ZNF800: variants seen among roughly 807,000 people sequenced by gnomAD.
The protein encoded by ZNF800 is zinc finger protein 800.
ZNF800 carries 13 observed loss-of-function variants against 59.5 expected under a neutral mutation model. The observed-to-expected ratio is 0.22, with a 90% CI of 0.14 to 0.35. The LOEUF (loss-of-function observed/expected upper bound fraction) is 0.35. ZNF800 is among the 10% of genes least tolerant of loss of function. The pLI, the probability that ZNF800 is intolerant of heterozygous loss-of-function variation, is 1.00. For synonymous variants in ZNF800, 266 were observed against 265.7 expected (o/e 1.00, Z -0.01); for missense variants, 621 against 783.7 (o/e 0.79, Z 2.48).
In ZNF800 at chr7:127,377,817, A is replaced by G. The variant is rs917275128; in HGVS notation, c.158-488T>C. On this transcript the variant is annotated intron_variant, in intron 3 of 5. Coordinates refer to ENST00000265827, the MANE Select transcript of ZNF800 (RefSeq NM_176814.5). This position sits in a 1 kb window ranked among gnomAD's most constrained non-coding sequence, Gnocchi z 4.7. The stretch of plus-strand genomic sequence containing the variant: ...TCAATACATTTTCCCCTTATTCCTT[A>G]AAGAAGGTCAAAACTGTATTACAGG... Among the ~76,000 whole-genome samples, 1 of 152,028 alleles carries G rather than the reference A, an allele frequency of 6.6e-6. No individual in the cohort carries two copies. Among genetic ancestry groups the G allele is most frequent in the Non-Finnish European group, 1.5e-5 (1 of 67,934 alleles).
At position 127,373,608 on chromosome 7, in the gene ZNF800, G is replaced by C; in HGVS notation, c.1728C>G (p.Gly576=). Residue 576 remains glycine (G), a synonymous_variant, in exon 5 of 6, where the codon GGC becomes GGG. Transcript: ENST00000265827. ...DFVLNKVAKR[G]PSRDEAKHSD... ...TATGTTTTGCTTCATCCCTCGAAGG[G>C]CCTCTTTTTGCCACTTTATTTAGAA... The C allele has an allele frequency of 6.2e-7, 1 of 1,614,046 alleles. No individual in the cohort carries two copies. Among genetic ancestry groups the C allele is most frequent in the Non-Finnish European group, 8.5e-7 (1 of 1,180,004 alleles).
At chr7:127,368,190 G>C (rs1191867279), downstream of ZNF800, among the ~76,000 whole-genome samples, 2 of 152,136 alleles carry the variant, frequency 1.3e-5, no homozygotes, top group East Asian at 3.9e-4. Flanking sequence ...CAATTTAGGA[G>C]AAGAGAAATG....
intron 2 of ZNF800, among the ~76,000 whole-genome samples, chr7:127,387,424 G>A (rs1801171253): frequency 6.6e-6 from 1 of 152,146 alleles, no homozygotes; most frequent in African/African-American, 2.4e-5. Flanking sequence ...CTGATAGCGG[G>A]GCTAAACTAG....
At chr7:127,343,132 T>TA (rs1799997789), downstream of ZNF800, among the ~76,000 whole-genome samples, 2 of 151,796 alleles carry the variant, frequency 1.3e-5, no homozygotes, top group Admixed American at 1.3e-4. Context: ...ATTATTAAAT[T>TA]AAAAAATGAA....
Position 127,392,367 on chromosome 7 carries a change from C to T in ZNF800, c.-366G>A, listed in dbSNP as rs528165782. 2.9e-4 allele frequency: 109 copies of T among 382,328 alleles called. No homozygotes were observed. Among genetic ancestry groups the T allele is most frequent in the African/African-American group, 1.9e-3 (92 of 48,046 alleles). The allele number at this position is 382,328 out of a possible 1,614,324, so 23.7% of individuals were successfully genotyped here. A position where few individuals can be genotyped will look rare whatever the true frequency, so the allele number is the denominator to read the frequency against. Reference sequence around the variant, plus strand: ...CGGAGGCAGTTGACAGGAGGAACCGCCCGGCAGCAGCTGCCGCCGCCACCA... The same window carrying T: ...CGGAGGCAGTTGACAGGAGGAACCGTCCGGCAGCAGCTGCCGCCGCCACCA... On this transcript the variant is annotated 5_prime_UTR_variant, in exon 1 of 6. Transcript: ENST00000265827.
At chr7:127,344,281 C>A (rs149353148), downstream of ZNF800, among the ~76,000 whole-genome samples, 5 of 151,936 alleles carry the variant, frequency 3.3e-5, no homozygotes, top group African/African-American at 1.2e-4. Context: ...AAAATGATCC[C>A]ATTCAAATGC....
chr7:127,391,947 G>C (rs1801336428), intron 1 of ZNF800, 113 bp downstream of exon 1: 1 of 374,178 alleles, frequency 2.7e-6, no homozygotes. Flanking sequence ...CCGGGACTAC[G>C]GAGGTGCCGC....
chr7:127,383,350 A>T (rs1256572457), intron 3 of ZNF800, among the ~76,000 whole-genome samples: 1 of 152,236 alleles, frequency 6.6e-6, no homozygotes, highest in African/African-American at 2.4e-5. Flanking sequence ...ATTCAACCTG[A>T]TTTATACCCT....
chr7:127,379,836 A>C (rs1348919358), intron 3 of ZNF800, among the ~76,000 whole-genome samples: 1,106 of 27,394 alleles, frequency 0.04, 25 homozygotes, highest in Admixed American at 0.052. Context: ...TACCCTTGCC[A>C]CCCCCCCACC....
At chr7:127,381,341 T>C (rs1587448815) in intron 3 of ZNF800, among the ~76,000 whole-genome samples, 3 of 152,290 alleles carry the variant, frequency 2.0e-5, no homozygotes, top group Admixed American at 2.0e-4. Context: ...GAAGGAAATT[T>C]CTTACTGATC....
intron 1 of ZNF800, among the ~76,000 whole-genome samples, chr7:127,351,940 A>G (rs573126773): frequency 1.8e-4 from 28 of 152,204 alleles, no homozygotes; most frequent in Non-Finnish European, 3.4e-4. Context: ...CATCTCTTCC[A>G]ACAGATTCAC....
downstream of ZNF800, among the ~76,000 whole-genome samples, chr7:127,345,023 A>G (rs1800031738): frequency 6.6e-6 from 1 of 152,242 alleles, no homozygotes; most frequent in African/African-American, 2.4e-5. Context: ...CATGGATTAA[A>G]TTGATAGATA....
intron 1 of ZNF800, chr7:127,364,667 G>A (rs955142879): frequency 6.6e-6 from 1 of 152,092 alleles, no homozygotes; most frequent in African/African-American, 2.4e-5. Flanking sequence ...GCTGGGGAGG[G>A]GTAAAGAGGA....
At chr7:127,379,860 C>CCCG (rs1562907529) in intron 3 of ZNF800, among the ~76,000 whole-genome samples, 1 of 73,786 alleles carries the variant, frequency 1.4e-5, no homozygotes, top group African/African-American at 5.4e-5. Flanking sequence ...CCACCCCCCC[C>CCCG]ACACACACAC....
rs1182732091 is a variant in ZNF800 at position 127,370,927 on chromosome 7, T to C, written c.*887A>G. 2 of 152,548 alleles carry C rather than the reference T, an allele frequency of 1.3e-5. No individual in the cohort carries two copies. The highest frequency in any genetic ancestry group is 4.8e-5 in the African/African-American group (2 of 41,452). 9.4% of individuals were successfully genotyped at this position (152,548 alleles called of 1,614,324 possible). A position where few individuals can be genotyped will look rare whatever the true frequency, so the allele number is the denominator to read the frequency against. On this transcript the variant is annotated 3_prime_UTR_variant, in exon 6 of 6. Coordinates refer to ENST00000265827, the MANE Select transcript of ZNF800 (RefSeq NM_176814.5). ...CCCGCATCTTCCTTTTGTAGCAATATTTAAGGAAATAAACTAGTATCATAA... is the reference window on the plus strand; with the variant it reads ...CCCGCATCTTCCTTTTGTAGCAATACTTAAGGAAATAAACTAGTATCATAA...
chr7:127,391,663 G>A (rs1357984388), intron 1 of ZNF800, 48 bp from the exon 2 acceptor site: 1 of 964,408 alleles, frequency 1.0e-6, no homozygotes, highest in African/African-American at 1.6e-5. Context: ...CTTCCTGGGG[G>A]GCACTGGCTG....
intron 3 of ZNF800, among the ~76,000 whole-genome samples, chr7:127,380,638 C>A (rs908461522): frequency 1.3e-5 from 2 of 152,162 alleles, no homozygotes; most frequent in African/African-American, 4.8e-5. Flanking sequence ...ACTCTAAGTG[C>A]CTCTGTCAAT....
chr7:127,390,174 GA>G lies in ZNF800; in HGVS notation c.61+1322del, dbSNP rs199966147. 7.4e-5 allele frequency among the ~76,000 whole-genome samples: 11 copies of G among 147,660 alleles called. No individual in the cohort carries two copies. The South Asian group carries it at 1.3e-3, about 17-fold the overall frequency. ...ACTTCAATGATTAAAAGTGTTCTCA[GA>G]AAAAAAAAACTAGACTAAAAGGTCA... is the stretch of plus-strand genomic sequence containing the variant. On this transcript the variant is annotated intron_variant, in intron 2 of 5. Transcript: ENST00000265827.
At chr7:127,353,402 C>G (rs1265078353) in intron 1 of ZNF800, among the ~76,000 whole-genome samples, 1 of 150,648 alleles carries the variant, frequency 6.6e-6, no homozygotes, top group Non-Finnish European at 1.5e-5. Context: ...ACCCTGTGTT[C>G]AGGGTTGAGG....
Sources: gnomAD v4.1 joint callset for allele counts (sites outside exome capture counted in the v4.1 genomes callset) on GRCh38, gnomAD v4.1.1 for gene constraint, Gnocchi (gnomAD v3.1) non-coding constraint, MANE v1.5 for transcripts, NCBI Gene and HGNC (gene_info 2026-07-23, HGNC 2026-07-21) for gene names.